Variants in CTSB observed in about 807,000 individuals in gnomAD.
CTSB encodes APP secretase.
A neutral mutation model predicts 44.3 loss-of-function variants in CTSB; 57 were observed. The ratio of observed to expected loss-of-function variants is 1.29; its 90% confidence interval spans 1.04 to 1.60. CTSB has a LOEUF of 1.60. Ranked by LOEUF, CTSB falls within the 40% of genes most tolerant of loss-of-function variation. The pLI, the probability that CTSB is intolerant of heterozygous loss-of-function variation, is 0.00. For missense variants in CTSB, 768 were observed against 443.0 expected, an observed-to-expected ratio of 1.73 and a Z score of -6.59; for synonymous variants, 320 against 168.0, an observed-to-expected ratio of 1.91 and a Z score of -7.00.
intron 1 of CTSB, among the ~76,000 whole-genome samples, chr8:11,861,187 G>A (rs1174860848): frequency 1.3e-5 from 2 of 152,212 alleles, no homozygotes; most frequent in Non-Finnish European, 2.9e-5. Flanking sequence ...GGGCACCAGA[G>A]GCCCATCTGT....
At chr8:11,852,535 ACT>A in intron 3 of CTSB, 73 bp downstream of exon 3, 1 of 1,240,752 alleles carries the variant, frequency 8.1e-7, no homozygotes, top group Non-Finnish European at 1.1e-6. Flanking sequence ...AGAGGCCTTC[ACT>A]CTCCCACTTC....
intron 1 of CTSB, among the ~76,000 whole-genome samples, chr8:11,866,808 C>T (rs1017534914): frequency 1.3e-5 from 2 of 152,184 alleles, no homozygotes; most frequent in African/African-American, 4.8e-5. Flanking sequence ...TGTAGTGAGC[C>T]GAGATCGCGC....
chr8:11,854,294 G>A (rs1008921477), intron 1 of CTSB, among the ~76,000 whole-genome samples: 2 of 152,116 alleles, frequency 1.3e-5, no homozygotes, highest in Non-Finnish European at 2.9e-5. Context: ...GGGCTCCCAC[G>A]GGTGGGTGAG....
At chr8:11,850,224 G>A (rs1402408877) in intron 4 of CTSB, among the ~76,000 whole-genome samples, 1 of 151,994 alleles carries the variant, frequency 6.6e-6, no homozygotes, top group Non-Finnish European at 1.5e-5. Context: ...TTTGAGACCA[G>A]GCTGTCCAAC....
At chr8:11,846,959 C>T (rs1179802900) in intron 8 of CTSB, 93 bp downstream of exon 8, 7 of 737,598 alleles carry the variant, frequency 9.5e-6, no homozygotes, top group Middle Eastern at 2.6e-4. Context: ...CCTGCCTGCC[C>T]AATCCAGCCC....
intron 3 of CTSB, among the ~76,000 whole-genome samples, chr8:11,851,585 T>C (rs913442242): frequency 2.0e-5 from 3 of 152,194 alleles, no homozygotes; most frequent in African/African-American, 7.2e-5. Context: ...TAAATAAGTT[T>C]ATTCAGTCCA....
At chr8:11,848,412 C>T in intron 5 of CTSB, 1 of 611,942 alleles carries the variant, frequency 1.6e-6, no homozygotes, top group Non-Finnish European at 3.1e-6. Flanking sequence ...ATGTCCATAC[C>T]AGACCAGGCT....
intron 1 of CTSB, among the ~76,000 whole-genome samples, chr8:11,855,974 G>A (rs1259868517): frequency 6.6e-6 from 1 of 152,020 alleles, no homozygotes; most frequent in African/African-American, 2.4e-5. Flanking sequence ...ATTGCAGTGA[G>A]CCAAGATTTC....
chr8:11,848,584 A>G (rs2131015749), intron 5 of CTSB: 1 of 332,516 alleles, frequency 3.0e-6, no homozygotes, highest in African/African-American at 2.1e-5. Context: ...GCCCTCAGGC[A>G]TTTCGGATCT....
At chr8:11,863,742 A>C (rs1816738067) in intron 1 of CTSB, among the ~76,000 whole-genome samples, 1 of 152,180 alleles carries the variant, frequency 6.6e-6, no homozygotes, top group Non-Finnish European at 1.5e-5. Flanking sequence ...TACCACTTCA[A>C]ACCCATCAGA....
Position 11,847,075 on chromosome 8 carries a change from G to T in CTSB, c.770C>A (p.Ser257Ter), listed in dbSNP as rs147604039. The T allele has an allele frequency of 1.9e-6, 3 of 1,595,798 alleles. No individual in the cohort carries two copies. In the African/African-American group the frequency reaches 4.0e-5, roughly 21 times the overall value. Residue 257 changes from serine (S) to a stop codon, truncating the protein, a stop_gained, in exon 8 of 10, where the codon TCG becomes TAG. Transcript: ENST00000353047. LOFTEE classifies it high-confidence loss of function. ...ACCTGACTTGTAGAGCAGGAAGTCC[G>T]AATACACAGAGAAAGCTCCCTCCAC... ...GPVEGAFSVY[S>*]DFLLYKSGVY...
intron 1 of CTSB, among the ~76,000 whole-genome samples, chr8:11,859,517 T>C (rs1816043482): frequency 2.6e-5 from 4 of 151,946 alleles, no homozygotes; most frequent in Admixed American, 2.0e-4. Context: ...TCCCAGCGCT[T>C]TGGGAGGTCA....
Position 11,845,067 on chromosome 8 carries a change from A to G in CTSB, c.*58T>C, listed in dbSNP as rs940108210. 15 of 1,149,942 alleles carry G rather than the reference A, an allele frequency of 1.3e-5. No individual in the cohort carries two copies. Among genetic ancestry groups the G allele is most frequent in the Non-Finnish European group, 2.0e-5 (15 of 760,974 alleles). 71.2% of individuals were successfully genotyped at this position (1,149,942 alleles called of 1,614,324 possible). Reference sequence around the variant, plus strand: ...TGTATCTTACGTGAACTTAAAGAATAAAATGCATTTCTACCCCGATCTCGC... The same window carrying G: ...TGTATCTTACGTGAACTTAAAGAATGAAATGCATTTCTACCCCGATCTCGC... On this transcript the variant is annotated 3_prime_UTR_variant, in exon 10 of 10. Coordinates refer to ENST00000353047, the MANE Select transcript of CTSB (RefSeq NM_001908.5).
chr8:11,845,379 G>C (rs1317291002), intron 9 of CTSB, among the ~76,000 whole-genome samples, 157 bp from the exon 10 acceptor site: 2 of 152,146 alleles, frequency 1.3e-5, no homozygotes, highest in African/African-American at 4.8e-5. Flanking sequence ...GGAGCCGTGG[G>C]GCACACCTCC....
chr8:11,850,975 A>C lies in CTSB; in HGVS notation c.218T>G (p.Met73Arg), dbSNP rs540266331. Residue 73 changes from methionine (M) to arginine (R), a missense_variant, in exon 4 of 10, where the codon ATG (methionine) becomes AGG (arginine). By Grantham distance (91) the Met-to-Arg change is moderately conservative. Transcript: ENST00000353047. ...AGGCAGCTTCAGGTCCTCGGTAAAC[A>C]TAACTCTGGATAAAGGAAGGTCTTC... ...LGGPKPPQRV[M>R]FTEDLKLPAS... The C allele has an allele frequency of 2.5e-6, 4 of 1,610,064 alleles. No homozygotes were observed. The highest frequency in any genetic ancestry group is 1.7e-5 in the Admixed American group (1 of 59,812).
intron 8 of CTSB, chr8:11,846,134 G>A (rs1026884017): frequency 1.2e-5 from 2 of 171,296 alleles, no homozygotes; most frequent in South Asian, 1.5e-4. Flanking sequence ...ATGTAAGTAA[G>A]GGTTTGTCAA....
At chr8:11,851,441 TG>T (rs1398331987) in intron 3 of CTSB, among the ~76,000 whole-genome samples, 4 of 152,154 alleles carry the variant, frequency 2.6e-5, no homozygotes, top group African/African-American at 9.7e-5. Flanking sequence ...CTGCCTGCCT[TG>T]GCCTCCCAAA....
chr8:11,847,480 G>A (rs1262615665), intron 7 of CTSB, among the ~76,000 whole-genome samples, 199 bp downstream of exon 7: 1 of 152,204 alleles, frequency 6.6e-6, no homozygotes, highest in African/African-American at 2.4e-5. Flanking sequence ...GAAGGGCTGA[G>A]GCTGAGTTCA....
intron 9 of CTSB, 30 bp downstream of exon 9, chr8:11,845,631 G>A (rs773245276): frequency 5.0e-6 from 8 of 1,607,216 alleles, no homozygotes; most frequent in African/African-American, 1.3e-5. Context: ...ACAATTCACT[G>A]TTCTTGGCAG....
Sources: gnomAD v4.1 joint callset for allele counts (sites outside exome capture counted in the v4.1 genomes callset) on GRCh38, gnomAD v4.1.1 for gene constraint, MANE v1.5 for transcripts, NCBI Gene and HGNC (gene_info 2026-07-23, HGNC 2026-07-21) for gene names.